TECPR2: variants seen among roughly 807,000 people sequenced by gnomAD.
TECPR2 encodes tectonin beta-propeller repeat containing 2, also known as tectonin beta-propeller repeat-containing protein 2.
A neutral mutation model predicts 138.1 loss-of-function variants in TECPR2; 65 were observed. That is an observed-to-expected ratio of 0.47 (90% CI 0.39 to 0.58). The LOEUF is 0.58. Among genes scored for constraint, TECPR2 ranks in the 20% least tolerant of loss-of-function variants. The pLI is 0.00. For missense variants in TECPR2, 1,553 were observed against 1,824.5 expected (o/e 0.85, Z 2.71); for synonymous variants, 746 against 749.8 (o/e 0.99, Z 0.08).
chr14:102,450,567 C>G lies in TECPR2; in HGVS notation c.3324C>G (p.Tyr1108Ter). The change falls in exon 15 of 20, where the codon TAC becomes TAG. Residue 1108 changes from tyrosine (Y) to a stop codon, truncating the protein, a stop_gained. Transcript: ENST00000359520. LOFTEE classifies it high-confidence loss of function. ...HVAKGSLIGT[Y>*]WNHVVPRGTA... is the part of the protein sequence containing the mutation. ...CCTATTTACTCTTTCCAGGCACCTA[C>G]TGGAATCATGTGGTTCCCCGTGGGA... 1.9e-6 allele frequency: 3 copies of G among 1,614,188 alleles called. No homozygotes were observed. The highest frequency in any genetic ancestry group is 2.5e-6 in the Non-Finnish European group (3 of 1,180,012).
At chr14:102,493,965 G>A (rs78928663) in intron 17 of TECPR2, among the ~76,000 whole-genome samples, 1,581 of 152,226 alleles carry the variant, frequency 0.01, 31 homozygotes, top group African/African-American at 0.036. Flanking sequence ...TGTGTCCTCC[G>A]GGCATCAACC....
chr14:102,451,453 C>G (rs1890137838), intron 15 of TECPR2, among the ~76,000 whole-genome samples: 1 of 152,152 alleles, frequency 6.6e-6, no homozygotes, highest in Non-Finnish European at 1.5e-5. Flanking sequence ...TTCTGGAACC[C>G]AGAAATCTCT....
In TECPR2 at chr14:102,425,041, A is replaced by G. The variant is rs1200939823; in HGVS notation, c.701A>G (p.Tyr234Cys). The change falls in exon 6 of 20, where the codon TAT becomes TGT. Residue 234 changes from tyrosine (Y) to cysteine (C), a missense_variant. By Grantham distance (194) the Tyr-to-Cys change is radical. Coordinates refer to ENST00000359520, the MANE Select transcript of TECPR2 (RefSeq NM_014844.5). Reference protein sequence around the residue: ...GLCKQSDLTLYASRPGLRLWK... With the variant: ...GLCKQSDLTLCASRPGLRLWK... ...TGTAAGCAAAGTGATCTAACCTTGT[A>G]TGCGTCACGGCCCGGGCTCCGGCTA... The G allele has an allele frequency of 1.2e-6, 2 of 1,614,118 alleles. No homozygotes were observed. Among genetic ancestry groups the G allele is most frequent in the Admixed American group, 1.7e-5 (1 of 60,008 alleles).
chr14:102,363,009 G>T lies in TECPR2; in HGVS notation c.-180G>T. On this transcript the variant is annotated 5_prime_UTR_variant, in exon 1 of 20. Transcript: ENST00000359520. The stretch of plus-strand genomic sequence containing the variant: ...GCTCTTCGGTGCTGGCCCCGGTGCC[G>T]GCCCCGTTGCCCAGGGAACAGGCTC... The T allele has an allele frequency of 1.0e-6, 1 of 966,488 alleles. No individual in the cohort carries two copies. The highest frequency in any genetic ancestry group is 2.7e-5 in the East Asian group (1 of 37,060). The allele number at this position is 966,488 out of a possible 1,614,324, so 59.9% of individuals were successfully genotyped here.
At chr14:102,482,803 C>T (rs1156511795) in intron 17 of TECPR2, among the ~76,000 whole-genome samples, 4 of 149,462 alleles carry the variant, frequency 2.7e-5, no homozygotes, top group Non-Finnish European at 5.9e-5. Flanking sequence ...TGTCTCTCGG[C>T]TTCCAGGATT....
At chr14:102,427,612 C>T (rs907289839) in intron 6 of TECPR2, among the ~76,000 whole-genome samples, 1 of 152,194 alleles carries the variant, frequency 6.6e-6, no homozygotes, top group South Asian at 2.1e-4. Flanking sequence ...TTTGTTGCCA[C>T]CCACTTTCAG....
intron 2 of TECPR2, among the ~76,000 whole-genome samples, chr14:102,384,050 G>A (rs958055925): frequency 2.0e-5 from 3 of 151,294 alleles, no homozygotes; most frequent in African/African-American, 7.3e-5. Flanking sequence ...CTCCTGAGTA[G>A]CTGGGATTAC....
At chr14:102,395,119 G>A (rs547706145) in intron 2 of TECPR2, among the ~76,000 whole-genome samples, 94 of 152,106 alleles carry the variant, frequency 6.2e-4, no homozygotes, top group Non-Finnish European at 1.3e-4. Context: ...TATAGTCCAT[G>A]AAAATACCCT....
chr14:102,478,995 C>T (rs183130865), intron 17 of TECPR2, among the ~76,000 whole-genome samples: 6 of 114,406 alleles, frequency 5.2e-5, no homozygotes, highest in South Asian at 2.7e-4. Context: ...CCAGCCTGGG[C>T]GAAAGAGTAA....
rs757538490 is a variant in TECPR2 at position 102,434,917 on chromosome 14, T to A, written c.2100T>A (p.Ala700=). The A allele has an allele frequency of 6.2e-7, 1 of 1,613,870 alleles. No homozygotes were observed. Reference sequence around the variant, plus strand: ...ACCTCAGCACAAATCTCTGGCATGCTGTCACTGATGATGACACAGGTCAGA... The same window carrying A: ...ACCTCAGCACAAATCTCTGGCATGCAGTCACTGATGATGACACAGGTCAGA... ...SGHLSTNLWH[A]VTDDDTGQKE... Residue 700 remains alanine (A), a synonymous_variant, in exon 9 of 20, where the codon GCT becomes GCA. Transcript: ENST00000359520.
intron 15 of TECPR2, 104 bp downstream of exon 15, chr14:102,450,753 T>A: frequency 8.6e-7 from 1 of 1,157,632 alleles, no homozygotes; most frequent in Non-Finnish European, 1.3e-6. Flanking sequence ...GGGGCATGCC[T>A]CGGAGACTGA....
intron 17 of TECPR2, among the ~76,000 whole-genome samples, chr14:102,489,882 A>G (rs561716323): frequency 9.2e-5 from 14 of 152,218 alleles, no homozygotes; most frequent in African/African-American, 2.9e-4. Flanking sequence ...CTAACAAACC[A>G]GCAGTGCCAG....
chr14:102,410,704 A>C (rs191817148), intron 4 of TECPR2, among the ~76,000 whole-genome samples: 12,971 of 119,492 alleles, frequency 0.11, 3 homozygotes, highest in East Asian at 0.28. Context: ...GCCCCCCCTC[A>C]AAAAAAAAAA....
intron 7 of TECPR2, among the ~76,000 whole-genome samples, chr14:102,431,031 T>TC (rs1463368865): frequency 6.8e-6 from 1 of 147,656 alleles, no homozygotes; most frequent in East Asian, 2.0e-4. Context: ...TTACTTTTTT[T>TC]TTTTTTTTTT....
At position 102,452,437 on chromosome 14, in the gene TECPR2, C is replaced by T. The variant is rs772139465; in HGVS notation, c.3450C>T (p.Ser1150=). 1.2e-5 allele frequency: 19 copies of T among 1,613,416 alleles called. No individual in the cohort carries two copies. The highest frequency in any genetic ancestry group is 1.7e-4 in the Middle Eastern group (1 of 6,058). Residue 1150 remains serine, a synonymous_variant, in exon 16 of 20, where the codon AGC becomes AGT. Transcript: ENST00000359520. The stretch of plus-strand genomic sequence containing the variant: ...GCCAGAGCAGCAAGGACCTGTGCAG[C>T]GTCAGCGCCCAGAGCGCACAGTCGC... ...WLCQSSKDLC[S]VSAQSAQSRP...
intron 1 of TECPR2, among the ~76,000 whole-genome samples, chr14:102,372,557 G>T (rs568584732): frequency 2.6e-5 from 4 of 152,136 alleles, no homozygotes; most frequent in Non-Finnish European, 5.9e-5. Context: ...GTGAGACACC[G>T]CGCCCAGCCT....
intron 1 of TECPR2, among the ~76,000 whole-genome samples, chr14:102,367,137 G>A (rs1487644442): frequency 6.6e-6 from 1 of 152,170 alleles, no homozygotes; most frequent in Non-Finnish European, 1.5e-5. Context: ...CGGGGCATTT[G>A]GTTTTTATTC....
In TECPR2 at chr14:102,439,283, G is replaced by A. The variant is rs558030494; in HGVS notation, c.2578+1078G>A. 7.9e-5 allele frequency among the ~76,000 whole-genome samples: 12 copies of A among 152,266 alleles called. No homozygotes were observed. The South Asian group carries it at 1.0e-3, about 13-fold the overall frequency. On this transcript the variant is annotated intron_variant, in intron 10 of 19. Transcript: ENST00000359520. Reference sequence around the variant, plus strand: ...ATTGGAATAGAAGTCAGACGAAGCCGAAGCTGAGTCTGTGGCTTGGGACCT... The same window carrying A: ...ATTGGAATAGAAGTCAGACGAAGCCAAAGCTGAGTCTGTGGCTTGGGACCT...
Position 102,440,564 on chromosome 14 carries a change from A to G in TECPR2, c.2707A>G (p.Thr903Ala), listed in dbSNP as rs961497305. ...AGTGTTTGTGGCCCTGAGCGATGACACGGCCTGGATCATCAGGACCAGTGG... is the reference window on the plus strand; with the variant it reads ...AGTGTTTGTGGCCCTGAGCGATGACGCGGCCTGGATCATCAGGACCAGTGG... ...QAVFVALSDD[T>A]AWIIRTSGDL... Residue 903 changes from threonine (T) to alanine (A), a missense_variant, in exon 11 of 20, where the codon ACG becomes GCG. By Grantham distance (58) the Thr-to-Ala change is moderately conservative (BLOSUM62 0). Coordinates refer to ENST00000359520, the MANE Select transcript of TECPR2 (RefSeq NM_014844.5). 1 of 1,614,042 alleles carries G rather than the reference A, an allele frequency of 6.2e-7. No homozygotes were observed. Among genetic ancestry groups the G allele is most frequent in the Non-Finnish European group, 8.5e-7 (1 of 1,180,036 alleles).
Sources: allele counts gnomAD v4.1 joint callset (sites outside exome capture counted in the v4.1 genomes callset), GRCh38; gene constraint gnomAD v4.1.1; transcripts MANE v1.5; gene names NCBI Gene and HGNC (gene_info 2026-07-23, HGNC 2026-07-21).